The following MSRB3 variants were observed in gnomAD, a reference collection of about 807,000 sequenced individuals.
MSRB3 encodes the protein methionine-R-sulfoxide reductase B3.
A neutral mutation model predicts 21.0 loss-of-function variants in MSRB3; 13 were observed. The ratio of observed to expected loss-of-function variants is 0.62; its 90% confidence interval spans 0.40 to 0.98. MSRB3 has a LOEUF of 0.98. Among genes scored for constraint, MSRB3 ranks in the 50% least tolerant of loss-of-function variants. The pLI is 0.00. For synonymous variants in MSRB3, 87 were observed against 88.6 expected (o/e 0.98, Z 0.10); for missense variants, 199 against 230.3 (o/e 0.86, Z 0.88).
chr12:65,445,675 TC>T (rs1429953619), intron 5 of MSRB3, among the ~76,000 whole-genome samples: 1 of 148,584 alleles, frequency 6.7e-6, no homozygotes, highest in African/African-American at 2.5e-5. Context: ...AGACAGAGTC[TC>T]ACTCTGTCGC....
chr12:65,309,373 C>A (rs1316743208), intron 2 of MSRB3, among the ~76,000 whole-genome samples: 1 of 152,136 alleles, frequency 6.6e-6, no homozygotes, highest in Non-Finnish European at 1.5e-5. Context: ...TTACATTTTT[C>A]CATTAGTGTA....
chr12:65,299,829 G>C (rs1390848696), intron 1 of MSRB3, among the ~76,000 whole-genome samples: 1 of 152,098 alleles, frequency 6.6e-6, no homozygotes, highest in Non-Finnish European at 1.5e-5. Context: ...ATGTGAACTT[G>C]CTAATGCTTA....
At chr12:65,413,604 G>A (rs1880825290) in intron 5 of MSRB3, among the ~76,000 whole-genome samples, 1 of 151,896 alleles carries the variant, frequency 6.6e-6, no homozygotes, top group African/African-American at 2.4e-5. Flanking sequence ...TTTTTTCAGT[G>A]CTTTACTATG....
At chr12:65,373,455 G>T (rs1878430391) in intron 5 of MSRB3, among the ~76,000 whole-genome samples, 1 of 152,018 alleles carries the variant, frequency 6.6e-6, no homozygotes, top group Non-Finnish European at 1.5e-5. Context: ...GTTTGGGTGA[G>T]AAAATGAAGT....
chr12:65,441,057 CAG>C (rs1882354283), intron 5 of MSRB3, among the ~76,000 whole-genome samples: 1 of 151,576 alleles, frequency 6.6e-6, no homozygotes, highest in African/African-American at 2.4e-5. Context: ...TTTTTGGTAA[CAG>C]AGGTCCGGTG....
chr12:65,343,584 A>G (rs866172549), intron 4 of MSRB3, among the ~76,000 whole-genome samples: 2 of 152,248 alleles, frequency 1.3e-5, no homozygotes, highest in African/African-American at 2.4e-5. Flanking sequence ...TTGAGAAATT[A>G]CCATGCATTT....
intron 5 of MSRB3, among the ~76,000 whole-genome samples, chr12:65,436,896 A>G (rs1882143140): frequency 6.6e-6 from 1 of 151,964 alleles, no homozygotes; most frequent in African/African-American, 2.4e-5. Context: ...TTAACGGTGC[A>G]CAGTAAAGTG....
intron 4 of MSRB3, among the ~76,000 whole-genome samples, chr12:65,338,128 G>A (rs947989145): frequency 2.0e-5 from 3 of 152,172 alleles, no homozygotes; most frequent in African/African-American, 7.2e-5. Context: ...TGGCGGAAAT[G>A]TAAATAGATA....
intron 4 of MSRB3, among the ~76,000 whole-genome samples, 159 bp from the exon 5 acceptor site, chr12:65,368,839 A>G (rs961314132): frequency 5.3e-5 from 8 of 152,152 alleles, no homozygotes; most frequent in Non-Finnish European, 8.8e-5. Context: ...TAATGCATGC[A>G]TATAAAATGA....
chr12:65,320,474 G>C (rs1258549792), intron 2 of MSRB3, among the ~76,000 whole-genome samples: 1 of 152,160 alleles, frequency 6.6e-6, no homozygotes, highest in Non-Finnish European at 1.5e-5. Context: ...TGTTTCAGAA[G>C]GGCAACAGCA....
intron 5 of MSRB3, among the ~76,000 whole-genome samples, chr12:65,412,230 TA>T (rs148210802): frequency 0.045 from 6,789 of 152,188 alleles, 521 homozygotes; most frequent in African/African-American, 0.16. Context: ...CTGAAGCTAT[TA>T]AAAAAATTAA....
intron 5 of MSRB3, among the ~76,000 whole-genome samples, chr12:65,436,512 T>C (rs1882124780): frequency 6.6e-6 from 1 of 151,912 alleles, no homozygotes; most frequent in African/African-American, 2.4e-5. Context: ...CCTGTAGGCT[T>C]TGCCAGACTT....
At chr12:65,321,991 A>G (rs533159475) in intron 2 of MSRB3, among the ~76,000 whole-genome samples, 1 of 152,286 alleles carries the variant, frequency 6.6e-6, no homozygotes, top group South Asian at 2.1e-4. Flanking sequence ...TCTAGAACCA[A>G]AATTAAAGTT....
chr12:65,380,646 A>G (rs536308744), intron 5 of MSRB3, among the ~76,000 whole-genome samples: 1 of 152,278 alleles, frequency 6.6e-6, no homozygotes, highest in East Asian at 1.9e-4. Context: ...AACAATTACA[A>G]AATTGATTTT....
At chr12:65,316,172 T>G (rs1874283675) in intron 2 of MSRB3, 1 of 152,190 alleles carries the variant, frequency 6.6e-6, no homozygotes, top group Admixed American at 6.6e-5. Flanking sequence ...GTTTTGTACC[T>G]TTTATTCCTA....
At chr12:65,416,677 G>A (rs1238700731) in intron 5 of MSRB3, among the ~76,000 whole-genome samples, 5 of 152,138 alleles carry the variant, frequency 3.3e-5, no homozygotes, top group African/African-American at 9.7e-5. Context: ...GCACTAAGAC[G>A]TTACAATGGC....
chr12:65,317,613 G>A (rs1446957280), intron 2 of MSRB3, among the ~76,000 whole-genome samples: 3 of 152,034 alleles, frequency 2.0e-5, no homozygotes, highest in Non-Finnish European at 4.4e-5. Context: ...TGCTGGATCA[G>A]GTAATCTTAT....
intron 5 of MSRB3, among the ~76,000 whole-genome samples, chr12:65,408,909 A>G (rs1880567015): frequency 6.6e-6 from 1 of 152,138 alleles, no homozygotes; most frequent in Non-Finnish European, 1.5e-5. Context: ...ATCTGGGTGT[A>G]TTTAAAAATG....
intron 5 of MSRB3, among the ~76,000 whole-genome samples, chr12:65,370,997 T>G (rs1480588869): frequency 6.6e-6 from 1 of 152,214 alleles, no homozygotes; most frequent in Non-Finnish European, 1.5e-5. Flanking sequence ...AAATGTATTC[T>G]TTGGCATCCT....
Sources: allele counts gnomAD v4.1 joint callset (sites outside exome capture counted in the v4.1 genomes callset), GRCh38; gene constraint gnomAD v4.1.1; transcripts MANE v1.5; gene names NCBI Gene and HGNC (gene_info 2026-07-23, HGNC 2026-07-21).